IGF1: variants seen among roughly 807,000 people sequenced by gnomAD.
IGF1 encodes insulin like growth factor 1, also known as insulin-like growth factor 1.
In IGF1, 4 loss-of-function variants were observed where a neutral mutation model predicts 13.8. The ratio of observed to expected loss-of-function variants is 0.29; its 90% CI spans 0.14 to 0.66. The LOEUF (loss-of-function observed/expected upper bound fraction) is 0.66, where lower values mean the gene tolerates loss of function less well. Ranked by LOEUF, IGF1 falls within the 30% of genes least tolerant of loss-of-function variation. The pLI, the probability that IGF1 is intolerant of heterozygous loss-of-function variation, is 0.78. For synonymous variants in IGF1, 76 were observed against 72.6 expected (o/e 1.05, Z -0.23); for missense variants, 124 against 188.5 (o/e 0.66, Z 2.00).
At chr12:102,464,021 C>G (rs940947955) in intron 2 of IGF1, among the ~76,000 whole-genome samples, 2 of 152,210 alleles carry the variant, frequency 1.3e-5, no homozygotes, top group African/African-American at 4.8e-5. Flanking sequence ...TTGTAGTGTT[C>G]TCTAAGGGCT....
At chr12:102,462,859 C>A (rs2137207149) in intron 2 of IGF1, 1 of 152,248 alleles carries the variant, frequency 6.6e-6, no homozygotes, top group African/African-American at 2.4e-5. Context: ...CACAGTCATC[C>A]CTTTAATAGA....
intron 3 of IGF1, among the ~76,000 whole-genome samples, chr12:102,414,017 A>G (rs1225906351): frequency 6.6e-6 from 1 of 152,192 alleles, no homozygotes; most frequent in Non-Finnish European, 1.5e-5. Flanking sequence ...GTGACACAAG[A>G]CTGGCTTCTA....
intron 2 of IGF1, among the ~76,000 whole-genome samples, chr12:102,423,657 C>T (rs1172682281): frequency 6.6e-6 from 1 of 152,160 alleles, no homozygotes; most frequent in Non-Finnish European, 1.5e-5. Context: ...TCTATAATAA[C>T]AGCACTTCCC....
At chr12:102,422,672 G>A (rs1875839132) in intron 2 of IGF1, among the ~76,000 whole-genome samples, 2 of 145,512 alleles carry the variant, frequency 1.4e-5, no homozygotes, top group South Asian at 4.5e-4. Flanking sequence ...AAAACAATTG[G>A]CTTCAGTATT....
chr12:102,468,845 A>G lies in IGF1; in HGVS notation c.220+6798T>C, dbSNP rs535559244. The stretch of plus-strand genomic sequence containing the variant: ...AGGCTGTTATCGAGAACAATGAGAC[A>G]TCTCCTTGGGAGAGACCTTGTGGCT... On this transcript the variant is annotated intron_variant, in intron 2 of 3. Transcript: ENST00000337514. 5.3e-5 allele frequency among the ~76,000 whole-genome samples: 8 copies of G among 152,344 alleles called. No individual in the cohort carries two copies. In the East Asian group the frequency reaches 7.7e-4, roughly 15 times the overall value.
chr12:102,428,199 G>T (rs1876383501), intron 2 of IGF1, among the ~76,000 whole-genome samples: 1 of 86,426 alleles, frequency 1.2e-5, no homozygotes, highest in Non-Finnish European at 2.5e-5. Flanking sequence ...TAAATATCCA[G>T]ATGGTCATGA....
intron 1 of IGF1, among the ~76,000 whole-genome samples, chr12:102,479,195 T>C (rs1377969369): frequency 6.6e-6 from 1 of 152,198 alleles, no homozygotes; most frequent in African/African-American, 2.4e-5. Context: ...CTGCATGTGT[T>C]GGCATCTCAG....
upstream of IGF1, chr12:102,481,630 C>G (rs1439013943): frequency 6.6e-6 from 1 of 152,038 alleles, no homozygotes; most frequent in Non-Finnish European, 1.5e-5. Flanking sequence ...ACCTATTTCC[C>G]TTTGGTTTTG....
At chr12:102,418,797 A>G (rs1352224858) in intron 3 of IGF1, among the ~76,000 whole-genome samples, 1 of 152,200 alleles carries the variant, frequency 6.6e-6, no homozygotes, top group East Asian at 1.9e-4. Context: ...CATAGTTGGT[A>G]CCTCTGAGGT....
At position 102,400,502 on chromosome 12, in the gene IGF1, G is replaced by A. The variant is rs1873597770; in HGVS notation, c.*2005C>T. On this transcript the variant is annotated 3_prime_UTR_variant, in exon 4 of 4. Coordinates refer to ENST00000337514, the MANE Select transcript of IGF1 (RefSeq NM_000618.5). ...GCATGGGAAATTTCTTGTTGTGATGGAAGTTTTTGCCTTTCAACTGGAAAC... is the reference window on the plus strand; with the variant it reads ...GCATGGGAAATTTCTTGTTGTGATGAAAGTTTTTGCCTTTCAACTGGAAAC... 6.6e-6 allele frequency: 1 copy of A among 152,118 alleles called. No individual in the cohort carries two copies. Among genetic ancestry groups the A allele is most frequent in the Non-Finnish European group, 1.5e-5 (1 of 68,020 alleles). 9.4% of individuals were successfully genotyped at this position (152,118 alleles called of 1,614,324 possible).
intron 2 of IGF1, among the ~76,000 whole-genome samples, chr12:102,459,810 G>A (rs1005635375): frequency 6.6e-5 from 10 of 152,130 alleles, no homozygotes; most frequent in African/African-American, 2.4e-4. Context: ...TGTTTGGGGA[G>A]GGCTATACAG....
At chr12:102,469,070 G>A (rs1880518976) in intron 2 of IGF1, among the ~76,000 whole-genome samples, 1 of 152,192 alleles carries the variant, frequency 6.6e-6, no homozygotes, top group African/African-American at 2.4e-5. Context: ...ACCAGCCACT[G>A]GAGATAGGAT....
At chr12:102,441,915 C>CTTCTTCTTT (rs1555244052) in intron 2 of IGF1, among the ~76,000 whole-genome samples, 3 of 122,140 alleles carry the variant, frequency 2.5e-5, no homozygotes, top group Non-Finnish European at 5.2e-5. Context: ...TGCTTCTTCT[C>CTTCTTCTTT]CTTCTTCTTC....
chr12:102,417,815 C>A (rs1174416734), intron 3 of IGF1: 4 of 1,613,742 alleles, frequency 2.5e-6, no homozygotes, highest in Non-Finnish European at 3.4e-6. Flanking sequence ...ATCCTCCTGT[C>A]CTTCATTTTC....
chr12:102,448,916 G>A (rs1878638433), intron 2 of IGF1, among the ~76,000 whole-genome samples: 1 of 152,146 alleles, frequency 6.6e-6, no homozygotes, highest in Non-Finnish European at 1.5e-5. Context: ...TGGAGAGGAT[G>A]TGGAGAAATA....
At chr12:102,443,456 G>C (rs1003776629) in intron 2 of IGF1, among the ~76,000 whole-genome samples, 1 of 152,070 alleles carries the variant, frequency 6.6e-6, no homozygotes, top group Non-Finnish European at 1.5e-5. Flanking sequence ...AAATTGCTGG[G>C]TCTTGAAGAT....
intron 2 of IGF1, among the ~76,000 whole-genome samples, chr12:102,450,119 T>C (rs1184461283): frequency 2.6e-5 from 4 of 152,228 alleles, no homozygotes; most frequent in African/African-American, 4.8e-5. Flanking sequence ...ACTTTTCATA[T>C]AGTAGATTTT....
chr12:102,441,955 C>CTTCT (rs1555244164), intron 2 of IGF1, among the ~76,000 whole-genome samples: 2 of 139,980 alleles, frequency 1.4e-5, no homozygotes, highest in South Asian at 2.2e-4. Flanking sequence ...TCTTCTTCTT[C>CTTCT]TTTTTTTTTT....
intron 2 of IGF1, among the ~76,000 whole-genome samples, chr12:102,425,264 C>T (rs942027165): frequency 6.6e-6 from 1 of 152,156 alleles, no homozygotes; most frequent in African/African-American, 2.4e-5. Flanking sequence ...AGAAAATGTT[C>T]TCTTTTCTAT....
Sources: gnomAD v4.1 joint callset for allele counts (sites outside exome capture counted in the v4.1 genomes callset) on GRCh38, gnomAD v4.1.1 for gene constraint, MANE v1.5 for transcripts, NCBI Gene and HGNC (gene_info 2026-07-23, HGNC 2026-07-21) for gene names.